The following KHDRBS2 variants were observed in gnomAD, a reference collection of about 807,000 sequenced individuals.
KHDRBS2 encodes the protein KH domain-containing, RNA-binding, signal transduction-associated protein 2.
KHDRBS2 carries 26 observed loss-of-function variants against 44.3 expected under a neutral mutation model. That is an observed-to-expected ratio of 0.59 (90% CI 0.43 to 0.81). The LOEUF (loss-of-function observed/expected upper bound fraction) is 0.81. Ranked by LOEUF, KHDRBS2 falls within the 40% of genes least tolerant of loss-of-function variation. The probability of loss-of-function intolerance (pLI) is 0.00; values close to 1 mark genes in which losing one functional copy is unlikely to be tolerated. For synonymous variants in KHDRBS2, 194 were observed against 151.1 expected (o/e 1.28, Z -2.08); for missense variants, 476 against 433.1 (o/e 1.10, Z -0.88).
At chr6:61,586,006 G>C in the KHDRBS2 span, among the ~76,000 whole-genome samples, 1 of 152,166 alleles carries the variant, frequency 6.6e-6, no homozygotes, top group Non-Finnish European at 1.5e-5. Context: ...TGAAGGGGAA[G>C]TTTGTTGATG....
intron 4 of KHDRBS2, among the ~76,000 whole-genome samples, chr6:61,926,559 G>A (rs1261115137): frequency 6.6e-6 from 1 of 152,146 alleles, no homozygotes; most frequent in East Asian, 1.9e-4. Context: ...GGCACTCCTA[G>A]GCAGGTGTTC....
the KHDRBS2 span, among the ~76,000 whole-genome samples, chr6:61,672,010 C>A: frequency 1.3e-5 from 2 of 151,248 alleles, no homozygotes; most frequent in Admixed American, 6.6e-5. Context: ...CCCAACCCCA[C>A]AACAGTCCCC....
Position 61,876,935 on chromosome 6 carries a change from A to T in KHDRBS2, c.810+17700T>A, listed in dbSNP as rs143601090. ...ATTCTGATATCTGTCATGAGACCCA[A>T]ATACAATAGGTGGTATACATTAGAC... On this transcript the variant is annotated intron_variant, in intron 6 of 8. Transcript: ENST00000281156. 4.1e-3 allele frequency among the ~76,000 whole-genome samples: 624 copies of T among 152,138 alleles called. 1 individual carries two copies. Among genetic ancestry groups the T allele is most frequent in the Non-Finnish European group, 6.2e-3 (422 of 67,932 alleles).
intron 6 of KHDRBS2, among the ~76,000 whole-genome samples, chr6:61,742,977 G>A (rs538919388): frequency 4.9e-4 from 75 of 152,080 alleles, no homozygotes; most frequent in African/African-American, 1.5e-3. Flanking sequence ...GAAATTAAAA[G>A]CTCCCAAGGA....
At chr6:62,247,579 C>T (rs1835806943) in intron 1 of KHDRBS2, among the ~76,000 whole-genome samples, 1 of 151,904 alleles carries the variant, frequency 6.6e-6, no homozygotes, top group Admixed American at 6.6e-5. Flanking sequence ...TTTTGAGGCC[C>T]AGCAAACTTG....
intron 1 of KHDRBS2, among the ~76,000 whole-genome samples, chr6:62,259,955 T>C (rs1297615972): frequency 2.0e-5 from 3 of 152,030 alleles, no homozygotes; most frequent in Non-Finnish European, 4.4e-5. Context: ...TGGTTAACAT[T>C]ATACAGGGTA....
the KHDRBS2 span, among the ~76,000 whole-genome samples, chr6:61,570,629 T>C: frequency 6.6e-6 from 1 of 152,140 alleles, no homozygotes; most frequent in African/African-American, 2.4e-5. Flanking sequence ...TCAAGTTATC[T>C]AAAGTCAAGA....
chr6:62,024,685 A>T (rs1782971525), intron 3 of KHDRBS2, among the ~76,000 whole-genome samples: 1 of 151,528 alleles, frequency 6.6e-6, no homozygotes, highest in Non-Finnish European at 1.5e-5. Context: ...TCTCTTTATC[A>T]TTGTCTTGAA....
chr6:61,572,770 C>A, the KHDRBS2 span, among the ~76,000 whole-genome samples: 21 of 152,228 alleles, frequency 1.4e-4, no homozygotes, highest in African/African-American at 4.1e-4. Flanking sequence ...ATCCAGTATA[C>A]CTTTATGATT....
At chr6:62,246,366 T>A (rs183831980) in intron 1 of KHDRBS2, among the ~76,000 whole-genome samples, 40 of 152,018 alleles carry the variant, frequency 2.6e-4, no homozygotes, top group African/African-American at 9.2e-4. Flanking sequence ...AACATATATC[T>A]GAGATACTCT....
the KHDRBS2 span, among the ~76,000 whole-genome samples, chr6:61,572,629 A>C: frequency 6.6e-6 from 1 of 152,254 alleles, no homozygotes; most frequent in Non-Finnish European, 1.5e-5. Context: ...ATCAAGATCA[A>C]GTGAGTTTCA....
intron 6 of KHDRBS2, among the ~76,000 whole-genome samples, chr6:61,838,841 T>C (rs1199732195): frequency 6.6e-6 from 1 of 152,052 alleles, no homozygotes; most frequent in Non-Finnish European, 1.5e-5. Flanking sequence ...TCTTCTACAA[T>C]CCAAATGCAT....
At chr6:62,106,274 T>A (rs192154665) in intron 2 of KHDRBS2, among the ~76,000 whole-genome samples, 2 of 152,046 alleles carry the variant, frequency 1.3e-5, no homozygotes, top group Admixed American at 1.3e-4. Flanking sequence ...GGGTGGAGAG[T>A]TCTGTAGATG....
the KHDRBS2 span, among the ~76,000 whole-genome samples, chr6:61,585,036 G>A: frequency 1.3e-5 from 2 of 151,688 alleles, no homozygotes; most frequent in Non-Finnish European, 2.9e-5. Flanking sequence ...TTCCTTTCAT[G>A]GAAAAATAGG....
rs1357374587 is a variant in KHDRBS2, at chr6:61,983,242, T to TC, written c.337-5031_337-5030insG. 6.0e-3 allele frequency among the ~76,000 whole-genome samples: 826 copies of TC among 136,734 alleles called. 2 individuals are homozygous for TC. Among genetic ancestry groups the TC allele is most frequent in the African/African-American group, 0.015 (534 of 35,544 alleles). 89.7% of individuals were successfully genotyped at this position (136,734 alleles called of 152,430 possible). On this transcript the variant is annotated intron_variant, in intron 3 of 8. Transcript: ENST00000281156. ...TTTCTTTCTTTCTTTCTTTCTTTTT[T>TC]TTTTTTTTTTTTTTTATAGTGACTA...
chr6:61,785,594 T>A (rs1783680794), intron 6 of KHDRBS2, among the ~76,000 whole-genome samples: 1 of 152,116 alleles, frequency 6.6e-6, no homozygotes, highest in African/African-American at 2.4e-5. Flanking sequence ...AATAACTGTC[T>A]ATGGGATTGG....
chr6:62,281,483 G>C (rs570360825), intron 1 of KHDRBS2, among the ~76,000 whole-genome samples: 85 of 151,992 alleles, frequency 5.6e-4, no homozygotes, highest in Admixed American at 9.8e-4. Flanking sequence ...AGCCGGGTGT[G>C]GTGGCACGCA....
At chr6:61,553,152 C>T in the KHDRBS2 span, among the ~76,000 whole-genome samples, 1 of 152,050 alleles carries the variant, frequency 6.6e-6, no homozygotes, top group African/African-American at 2.4e-5. Flanking sequence ...GGATAGTAGG[C>T]TTTTTATTAC....
chr6:62,098,296 G>T (rs1384248078), intron 2 of KHDRBS2, among the ~76,000 whole-genome samples: 2 of 136,134 alleles, frequency 1.5e-5, no homozygotes, highest in African/African-American at 2.7e-5. Context: ...TCAGTATAAA[G>T]AACTCTTTTT....
Sources: gnomAD v4.1 joint callset for allele counts (sites outside exome capture counted in the v4.1 genomes callset) on GRCh38, gnomAD v4.1.1 for gene constraint, MANE v1.5 for transcripts, NCBI Gene and HGNC (gene_info 2026-07-23, HGNC 2026-07-21) for gene names.